Variants in NRXN3 observed in about 807,000 individuals in gnomAD.
NRXN3 encodes neurexin III.
NRXN3 carries 32 observed loss-of-function variants against 137.6 expected under a neutral mutation model. That is an observed-to-expected ratio of 0.23 (90% CI 0.18 to 0.31). NRXN3 has a LOEUF of 0.31. Ranked by LOEUF, NRXN3 falls within the 10% of genes least tolerant of loss-of-function variation. The probability of loss-of-function intolerance (pLI) is 1.00; values close to 1 mark genes in which losing one functional copy is unlikely to be tolerated. For missense variants in NRXN3, 1,574 were observed against 2,062.5 expected (o/e 0.76, Z 4.59); for synonymous variants, 798 against 784.5 (o/e 1.02, Z -0.29).
chr14:79,201,860 T>C (rs1330139959), intron 15 of NRXN3, among the ~76,000 whole-genome samples: 1 of 152,228 alleles, frequency 6.6e-6, no homozygotes, highest in Non-Finnish European at 1.5e-5. Flanking sequence ...TACATATTTC[T>C]TTTAATTTTT....
intron 16 of NRXN3, among the ~76,000 whole-genome samples, chr14:79,468,172 C>A (rs2153614824): frequency 6.6e-6 from 1 of 152,268 alleles, no homozygotes; most frequent in Non-Finnish European, 1.5e-5. Flanking sequence ...CACCCTTAAT[C>A]CCTGTAGATC....
At chr14:78,314,942 TCTTCCTTC>T (rs1174374621) in intron 4 of NRXN3, among the ~76,000 whole-genome samples, 16 of 60,646 alleles carry the variant, frequency 2.6e-4, no homozygotes, top group Admixed American at 7.9e-4. Flanking sequence ...TTTCTTTCTT[TCTTCCTTC>T]CTTCCTTCCT....
chr14:78,516,010 G>A (rs1368278080), intron 4 of NRXN3, among the ~76,000 whole-genome samples: 2 of 152,042 alleles, frequency 1.3e-5, no homozygotes, highest in Admixed American at 1.3e-4. Flanking sequence ...GAGGACTAAT[G>A]ACAAATTGCA....
At chr14:78,312,440 G>T (rs1440641044) in intron 4 of NRXN3, among the ~76,000 whole-genome samples, 1 of 152,160 alleles carries the variant, frequency 6.6e-6, no homozygotes, top group Non-Finnish European at 1.5e-5. Context: ...CAGCGTGGAT[G>T]CATGTTGAGT....
At chr14:78,383,764 G>A (rs192528054) in intron 4 of NRXN3, among the ~76,000 whole-genome samples, 32 of 152,300 alleles carry the variant, frequency 2.1e-4, no homozygotes, top group Non-Finnish European at 4.4e-4. Flanking sequence ...TACCTTGAGA[G>A]CAGATAGGAT....
chr14:79,724,248 G>A (rs2098865528), intron 19 of NRXN3, among the ~76,000 whole-genome samples: 1 of 152,078 alleles, frequency 6.6e-6, no homozygotes, highest in Admixed American at 6.6e-5. Context: ...CTGCCAAAAA[G>A]ATGTCCCTGA....
At chr14:78,568,655 C>T (rs1280339195) in intron 4 of NRXN3, among the ~76,000 whole-genome samples, 2 of 152,188 alleles carry the variant, frequency 1.3e-5, no homozygotes. Context: ...CATCATCTTA[C>T]AAGCAATATG....
At chr14:78,677,470 T>C (rs1466074146) in intron 6 of NRXN3, among the ~76,000 whole-genome samples, 5 of 152,004 alleles carry the variant, frequency 3.3e-5, no homozygotes, top group Non-Finnish European at 5.9e-5. Context: ...TATGACTAAA[T>C]TGATGCAATC....
chr14:79,046,882 A>G lies in NRXN3; in HGVS notation c.3262+58741A>G, dbSNP rs980260946. Among the ~76,000 whole-genome samples, 36 of 152,336 alleles carry G rather than the reference A, an allele frequency of 2.4e-4. 1 individual carries two copies. The highest frequency in any genetic ancestry group is 6.8e-3 in the Middle Eastern group (2 of 294). ...TTAACAGAATTAAGCAACATACAGT[A>G]GCGATTTATTCTGTGGGCTCTGGAG... On this transcript the variant is annotated intron_variant, in intron 15 of 20. Coordinates refer to ENST00000335750, the MANE Select transcript of NRXN3 (RefSeq NM_001330195.2).
chr14:78,673,569 A>G (rs768611162), intron 6 of NRXN3, among the ~76,000 whole-genome samples: 2 of 152,222 alleles, frequency 1.3e-5, no homozygotes, highest in Non-Finnish European at 2.9e-5. Flanking sequence ...ACAGAATACC[A>G]TAGACTGGGT....
chr14:79,791,452 A>AAATAATTATAATAATAATTATATATTGT (rs2099144791), intron 19 of NRXN3, among the ~76,000 whole-genome samples: 1 of 145,836 alleles, frequency 6.9e-6, no homozygotes, highest in Non-Finnish European at 1.5e-5. Context: ...ATTTTATAAT[A>AAATAATTATAATAATAATTATATATTGT]AATAATTATA....
intron 15 of NRXN3, among the ~76,000 whole-genome samples, chr14:79,047,875 TAATATAGTTAAACATAAATCTAAA>T (rs1280504418): frequency 6.6e-6 from 1 of 152,198 alleles, no homozygotes; most frequent in Non-Finnish European, 1.5e-5. Context: ...TTGCAGTTTT[TAATATAGTTAAACATAAATCTAAA>T]CTAAGACTTC....
Position 79,427,809 on chromosome 14 carries a change from C to T in NRXN3, c.3263-39412C>T, listed in dbSNP as rs1445404319. Reference sequence around the variant, plus strand: ...ATCGCACCACTGCACTCCAGCCTGGCGACAGAGCGAGACTCCATCTCAAAA... The same window carrying T: ...ATCGCACCACTGCACTCCAGCCTGGTGACAGAGCGAGACTCCATCTCAAAA... On this transcript the variant is annotated intron_variant, in intron 15 of 20. Transcript: ENST00000335750. Among the ~76,000 whole-genome samples, 5 of 144,920 alleles carry T rather than the reference C, an allele frequency of 3.5e-5. No individual in the cohort carries two copies. In the South Asian group the frequency reaches 6.6e-4, roughly 19 times the overall value.
chr14:78,576,536 C>T (rs1045671417), intron 4 of NRXN3, among the ~76,000 whole-genome samples: 1 of 152,082 alleles, frequency 6.6e-6, no homozygotes, highest in Non-Finnish European at 1.5e-5. Flanking sequence ...GCTGGGATGA[C>T]TCAGGGGATT....
At chr14:78,218,603 G>A (rs190779974) in intron 1 of NRXN3, among the ~76,000 whole-genome samples, 1 of 152,312 alleles carries the variant, frequency 6.6e-6, no homozygotes, top group Admixed American at 6.5e-5. Context: ...AAGGCCCCAG[G>A]AGTCCTCAAT....
At chr14:78,266,511 A>C (rs577697866) in intron 2 of NRXN3, among the ~76,000 whole-genome samples, 23 of 152,164 alleles carry the variant, frequency 1.5e-4, no homozygotes, top group Admixed American at 1.2e-3. Context: ...GTTGGCCAGG[A>C]TGGTCTTGAT....
chr14:79,701,054 TCATTTCAC>T (rs2098752769), intron 19 of NRXN3, among the ~76,000 whole-genome samples: 1 of 152,002 alleles, frequency 6.6e-6, no homozygotes, highest in African/African-American at 2.4e-5. Context: ...TACTTTAGAG[TCATTTCAC>T]AATGGAAGGT....
chr14:79,197,603 G>GA (rs1193496607), intron 15 of NRXN3, among the ~76,000 whole-genome samples: 1 of 150,384 alleles, frequency 6.6e-6, no homozygotes, highest in Non-Finnish European at 1.5e-5. Context: ...AAGGATGTTT[G>GA]AATGAACTCT....
chr14:79,734,343 G>A (rs766649), intron 19 of NRXN3, among the ~76,000 whole-genome samples: 19,986 of 152,208 alleles, frequency 0.13, 1,459 homozygotes, highest in Middle Eastern at 0.2. Context: ...AATGCTGAAT[G>A]ACTGAACTGT....
Sources: allele counts gnomAD v4.1 joint callset (sites outside exome capture counted in the v4.1 genomes callset), GRCh38; gene constraint gnomAD v4.1.1; transcripts MANE v1.5; gene names NCBI Gene and HGNC (gene_info 2026-07-23, HGNC 2026-07-21).